Variants in AGAP1 observed in about 807,000 individuals in gnomAD.
AGAP1 encodes the protein arf-GAP with GTPase, ANK repeat and PH domain-containing protein 1.
AGAP1 carries 29 observed loss-of-function variants against 105.3 expected under a neutral mutation model. The ratio of observed to expected loss-of-function variants is 0.28; its 90% CI spans 0.21 to 0.38. The LOEUF (loss-of-function observed/expected upper bound fraction) is 0.38. Among genes scored for constraint, AGAP1 ranks in the 10% least tolerant of loss-of-function variants. The pLI, the probability that AGAP1 is intolerant of heterozygous loss-of-function variation, is 1.00. For missense variants in AGAP1, 998 were observed against 1,165.1 expected, an observed-to-expected ratio of 0.86 and a Z score of 2.09; for synonymous variants, 509 against 485.9, an observed-to-expected ratio of 1.05 and a Z score of -0.63.
intron 12 of AGAP1, among the ~76,000 whole-genome samples, chr2:235,949,618 C>T (rs1216945626): frequency 1.3e-5 from 2 of 152,202 alleles, no homozygotes; most frequent in Non-Finnish European, 2.9e-5. Context: ...TTTTTGTGCT[C>T]TTTTGTGCCT....
chr2:235,580,443 C>T (rs1455944192), intron 1 of AGAP1, among the ~76,000 whole-genome samples: 1 of 135,010 alleles, frequency 7.4e-6, no homozygotes, highest in Non-Finnish European at 1.6e-5. Context: ...TCCCTCGGTG[C>T]TTGTTGGAGG....
chr2:235,746,377 C>CCTTT (rs1295250993), intron 5 of AGAP1, among the ~76,000 whole-genome samples: 22 of 55,568 alleles, frequency 4.0e-4, no homozygotes, highest in African/African-American at 1.7e-3. Context: ...CCTCCCCCAA[C>CCTTT]TTTTTTTTTT....
chr2:235,502,935 A>T (rs1407613515), intron 1 of AGAP1, among the ~76,000 whole-genome samples: 1 of 85,316 alleles, frequency 1.2e-5, no homozygotes, highest in African/African-American at 3.7e-5. Context: ...TTTAGAAAGT[A>T]CATTTAGCTT....
Position 236,121,545 on chromosome 2 carries a change from C to T in AGAP1, c.2370+1098C>T, listed in dbSNP as rs759888828. On this transcript the variant is annotated intron_variant, in intron 17 of 17. Coordinates refer to ENST00000304032, the MANE Select transcript of AGAP1 (RefSeq NM_001037131.3). This position sits in a 1 kb window ranked among gnomAD's most constrained non-coding sequence, Gnocchi z 4.9. Reference sequence around the variant, plus strand: ...CGAGCTCCTGACCTCGTGATCCACCCGCCTCGGCCTCCCAAAGTGCTGGGA... The same window carrying T: ...CGAGCTCCTGACCTCGTGATCCACCTGCCTCGGCCTCCCAAAGTGCTGGGA... 8.6e-5 allele frequency among the ~76,000 whole-genome samples: 13 copies of T among 151,920 alleles called. No individual in the cohort carries two copies. The highest frequency in any genetic ancestry group is 1.3e-4 in the Admixed American group (2 of 15,236).
At position 236,055,018 on chromosome 2, in the gene AGAP1, G is replaced by A. The variant is rs1260763926; in HGVS notation, c.2114+5737G>A. ...ACTGGCTGATTTAATGATCCAAAGGGTAATTAATGGCCTGATTATCTTAAT... is the reference window on the plus strand; with the variant it reads ...ACTGGCTGATTTAATGATCCAAAGGATAATTAATGGCCTGATTATCTTAAT... On this transcript the variant is annotated intron_variant, in intron 16 of 17. Transcript: ENST00000304032. The surrounding 1 kb of genome is among the most constrained non-coding windows in gnomAD (Gnocchi z 6.2). Among the ~76,000 whole-genome samples, 3 of 152,208 alleles carry A rather than the reference G, an allele frequency of 2.0e-5. No homozygotes were observed. The highest frequency in any genetic ancestry group is 2.0e-4 in the Admixed American group (3 of 15,282).
chr2:235,695,997 A>G (rs1159323122), intron 1 of AGAP1, among the ~76,000 whole-genome samples: 1 of 152,176 alleles, frequency 6.6e-6, no homozygotes, highest in African/African-American at 2.4e-5. Context: ...GGTTGTCGAC[A>G]GAGGGGCACC....
rs1267644781 is a variant in AGAP1 at position 235,586,653 on chromosome 2, A to G, written c.163+91804A>G. The stretch of plus-strand genomic sequence containing the variant: ...GGGCCTTGGTTTTGCAGCATTTCCA[A>G]CTTGGGTTGTCAGAGTGAGACTGTG... On this transcript the variant is annotated intron_variant, in intron 1 of 17. Coordinates refer to ENST00000304032, the MANE Select transcript of AGAP1 (RefSeq NM_001037131.3). The surrounding 1 kb of genome is among the most constrained non-coding windows in gnomAD (Gnocchi z 4.2). Among the ~76,000 whole-genome samples, 1 of 152,160 alleles carries G rather than the reference A, an allele frequency of 6.6e-6. No individual in the cohort carries two copies. The highest frequency in any genetic ancestry group is 2.4e-5 in the African/African-American group (1 of 41,426).
chr2:236,112,561 G>A (rs539952320), intron 16 of AGAP1, among the ~76,000 whole-genome samples: 9 of 152,104 alleles, frequency 5.9e-5, no homozygotes, highest in Admixed American at 1.3e-4. Context: ...TTCTGTCGTC[G>A]CTGGGTTGGC....
At chr2:236,025,167 C>T (rs2057012526) in intron 13 of AGAP1, among the ~76,000 whole-genome samples, 1 of 152,200 alleles carries the variant, frequency 6.6e-6, no homozygotes, top group Non-Finnish European at 1.5e-5. Context: ...GAAGCCACTG[C>T]AATTGTCACA....
intron 13 of AGAP1, among the ~76,000 whole-genome samples, chr2:236,006,652 A>G (rs1020974061): frequency 1.7e-4 from 26 of 152,230 alleles, no homozygotes; most frequent in African/African-American, 6.0e-4. Context: ...CTGTGGAAAC[A>G]TAATACTTTA....
chr2:236,068,797 C>CA (rs35724496), intron 16 of AGAP1, among the ~76,000 whole-genome samples: 1,672 of 55,446 alleles, frequency 0.03, 21 homozygotes, highest in Middle Eastern at 0.045. Context: ...GACTCCGTCT[C>CA]AAAAAAAAAA....
At chr2:235,968,658 C>CA in intron 13 of AGAP1, 35 bp downstream of exon 13, 1 of 1,584,222 alleles carries the variant, frequency 6.3e-7, no homozygotes, top group Non-Finnish European at 8.5e-7. Flanking sequence ...AGAGAGTCTC[C>CA]ACTGCGGAAA....
intron 8 of AGAP1, among the ~76,000 whole-genome samples, chr2:235,806,070 C>G (rs976283315): frequency 2.0e-5 from 3 of 152,146 alleles, no homozygotes; most frequent in Admixed American, 2.0e-4. Context: ...TAAATGCGTC[C>G]CATCAGCCCT....
chr2:235,937,070 G>A (rs1032378506), intron 12 of AGAP1, among the ~76,000 whole-genome samples: 27 of 152,228 alleles, frequency 1.8e-4, no homozygotes, highest in Admixed American at 6.5e-4. Flanking sequence ...TCTCACTGAT[G>A]CTGAAGTTTC....
In AGAP1 at chr2:236,049,144, C is replaced by G; in HGVS notation, c.1977C>G (p.Ser659=). The part of the protein sequence containing the change: ...GIHRNLGTHL[S]RVRSLDLDDW... ...ACCGGAATCTTGGCACCCACCTTTC[C>G]CGAGTCCGATCTCTGGACCTGGATG... The change falls in exon 16 of 18, where the codon TCC becomes TCG. Residue 659 remains serine, a synonymous_variant. Coordinates refer to ENST00000304032, the MANE Select transcript of AGAP1 (RefSeq NM_001037131.3). 6.2e-7 allele frequency: 1 copy of G among 1,614,238 alleles called. No homozygotes were observed. The highest frequency in any genetic ancestry group is 1.6e-4 in the Middle Eastern group (1 of 6,062).
chr2:235,772,165 A>AT (rs56683353), intron 6 of AGAP1, among the ~76,000 whole-genome samples: 38,417 of 150,972 alleles, frequency 0.25, 5,257 homozygotes, highest in Admixed American at 0.4. Context: ...TGCCTGGCTA[A>AT]TTTTTTGTAT....
In AGAP1 at chr2:236,055,612, G is replaced by A. The variant is rs984810734; in HGVS notation, c.2114+6331G>A. Among the ~76,000 whole-genome samples the A allele has an allele frequency of 1.1e-4, 17 of 152,216 alleles. No individual in the cohort carries two copies. The highest frequency in any genetic ancestry group is 2.2e-4 in the Non-Finnish European group (15 of 68,040). On this transcript the variant is annotated intron_variant, in intron 16 of 17. Transcript: ENST00000304032. The surrounding 1 kb of genome is among the most constrained non-coding windows in gnomAD (Gnocchi z 6.2). ...GCGGGTCCACCCTCCCAGTTTCCCC[G>A]TCCAGGCAGGGACTGTGCCCTGCTC... is the stretch of plus-strand genomic sequence containing the variant.
intron 6 of AGAP1, among the ~76,000 whole-genome samples, chr2:235,759,716 T>C (rs1954277121): frequency 6.6e-6 from 1 of 150,742 alleles, no homozygotes; most frequent in Non-Finnish European, 1.5e-5. Flanking sequence ...GATGGGAAAA[T>C]ACATAAATGT....
In AGAP1 at chr2:236,102,301, G is replaced by C. The variant is rs745545587; in HGVS notation, c.2115-17891G>C. On this transcript the variant is annotated intron_variant, in intron 16 of 17. Coordinates refer to ENST00000304032, the MANE Select transcript of AGAP1 (RefSeq NM_001037131.3). ...GCGTGGTGGCGGGTGCCTGTGGTCC[G>C]AGCCACTCAGGAGGCAGAGGCAAGG... 2.6e-3 allele frequency among the ~76,000 whole-genome samples: 374 copies of C among 144,128 alleles called. 2 individuals are homozygous for C. The highest frequency in any genetic ancestry group is 4.0e-3 in the Non-Finnish European group (261 of 64,458). 94.6% of individuals were successfully genotyped at this position (144,128 alleles called of 152,430 possible).
Sources: allele counts gnomAD v4.1 joint callset (sites outside exome capture counted in the v4.1 genomes callset), GRCh38; gene constraint gnomAD v4.1.1; non-coding constraint Gnocchi (gnomAD v3.1); transcripts MANE v1.5; gene names NCBI Gene and HGNC (gene_info 2026-07-23, HGNC 2026-07-21).